IL17F: variants seen among roughly 807,000 people sequenced by gnomAD.
IL17F encodes the protein interleukin-17F.
In IL17F, 6 loss-of-function variants were observed where a neutral mutation model predicts 8.3. The observed-to-expected ratio is 0.73, with a 90% CI of 0.40 to 1.43. The LOEUF (loss-of-function observed/expected upper bound fraction) is 1.43. Ranked by LOEUF, IL17F falls within the 40% of genes most tolerant of loss-of-function variation. The pLI, the probability that IL17F is intolerant of heterozygous loss-of-function variation, is 0.02. For missense variants in IL17F, 204 were observed against 209.6 expected (o/e 0.97, Z 0.17); for synonymous variants, 98 against 81.6 (o/e 1.20, Z -1.08).
At chr6:52,241,477 C>T (rs1043597965) in intron 1 of IL17F, among the ~76,000 whole-genome samples, 2 of 151,586 alleles carry the variant, frequency 1.3e-5, no homozygotes, top group Admixed American at 6.6e-5. Context: ...TAAGTAAATT[C>T]CTCCTTTGTG....
intron 1 of IL17F, chr6:52,239,311 C>T (rs7771466): frequency 2.3e-5 from 6 of 264,192 alleles, no homozygotes; most frequent in African/African-American, 4.4e-5. Flanking sequence ...TATGAGACTA[C>T]TAATGAGATT....
intron 1 of IL17F, among the ~76,000 whole-genome samples, chr6:52,241,401 A>G (rs1200796277): frequency 1.3e-5 from 2 of 151,942 alleles, no homozygotes; most frequent in African/African-American, 4.8e-5. Context: ...TTTTTAAAAG[A>G]TGCCAACTTA....
chr6:52,238,854 G>C lies in IL17F; in HGVS notation c.130C>G (p.Pro44Ala), dbSNP rs1331321771. 4 of 1,613,886 alleles carry C rather than the reference G, an allele frequency of 2.5e-6. No homozygotes were observed. The highest frequency in any genetic ancestry group is 2.7e-5 in the African/African-American group (2 of 74,902). ...PKVGHTFFQK[P>A]ESCPPVPGGS... is the part of the protein sequence containing the mutation. ...CCTGGCACAGGCGGGCAACTCTCAG[G>C]CTTTTGGAAAAAAGTATGTCCTACT... The change falls in exon 2 of 3, where the codon CCT (proline) becomes GCT (alanine). Residue 44 changes from proline to alanine, a missense_variant. Pro to Ala is a conservative substitution (Grantham distance 27). Coordinates refer to ENST00000336123, the MANE Select transcript of IL17F (RefSeq NM_052872.4).
At chr6:52,239,900 G>A (rs1376565164) in intron 1 of IL17F, among the ~76,000 whole-genome samples, 1 of 152,188 alleles carries the variant, frequency 6.6e-6, no homozygotes, top group African/African-American at 2.4e-5. Context: ...CCACAAGAGA[G>A]AATATGGAAA....
chr6:52,239,118 A>G (rs1764023655), intron 1 of IL17F, 168 bp from the exon 2 acceptor site: 1 of 668,870 alleles, frequency 1.5e-6, no homozygotes, highest in Non-Finnish European at 2.7e-6. Context: ...AAAGGTATCA[A>G]GGTGCCAAAC....
At chr6:52,237,556 G>A (rs374959026) in intron 2 of IL17F, among the ~76,000 whole-genome samples, 2 of 152,018 alleles carry the variant, frequency 1.3e-5, no homozygotes, top group African/African-American at 4.8e-5. Context: ...TCACTAGTCA[G>A]TCTTCCATCA....
chr6:52,239,030 G>T, intron 1 of IL17F, 80 bp from the exon 2 acceptor site: 2 of 1,250,792 alleles, frequency 1.6e-6, no homozygotes, highest in Non-Finnish European at 1.2e-6. Flanking sequence ...GCGGAACTCA[G>T]CATTCCTGTC....
intron 1 of IL17F, among the ~76,000 whole-genome samples, chr6:52,240,117 A>G (rs1361242469): frequency 2.0e-5 from 3 of 152,184 alleles, no homozygotes; most frequent in Non-Finnish European, 4.4e-5. Flanking sequence ...AGCAAGGCCC[A>G]TCACCAACTC....
chr6:52,245,262 G>C (rs1764142218), upstream of IL17F, among the ~76,000 whole-genome samples: 1 of 152,162 alleles, frequency 6.6e-6, no homozygotes, highest in Non-Finnish European at 1.5e-5. Flanking sequence ...GCTATCTCCA[G>C]GTAGGTAGAG....
chr6:52,244,482 C>T lies in IL17F; in HGVS notation c.-53G>A. Reference sequence around the variant, plus strand: ...GAAGCTCTTTCTGTGAATGTATCTTCCTGTGTATGCCTGTGTTCTATCAAT... The same window carrying T: ...GAAGCTCTTTCTGTGAATGTATCTTTCTGTGTATGCCTGTGTTCTATCAAT... On this transcript the variant is annotated 5_prime_UTR_variant, in exon 1 of 3. Coordinates refer to ENST00000336123, the MANE Select transcript of IL17F (RefSeq NM_052872.4). 6.6e-7 allele frequency: 1 copy of T among 1,516,052 alleles called. No individual in the cohort carries two copies. The highest frequency in any genetic ancestry group is 9.2e-7 in the Non-Finnish European group (1 of 1,090,756). 93.9% of individuals were successfully genotyped at this position (1,516,052 alleles called of 1,614,324 possible).
chr6:52,244,641 A>T (rs890472492), upstream of IL17F: 11 of 590,542 alleles, frequency 1.9e-5, no homozygotes, highest in Middle Eastern at 4.5e-4. Context: ...CCCGAAGGGG[A>T]ACAAAAGGGG....
intron 1 of IL17F, among the ~76,000 whole-genome samples, chr6:52,243,767 A>T (rs535661989): frequency 6.6e-6 from 1 of 151,290 alleles, no homozygotes; most frequent in Non-Finnish European, 1.5e-5. Flanking sequence ...GAGGAGCTGC[A>T]TTTTTTTTTC....
At chr6:52,242,202 A>G (rs1764086700) in intron 1 of IL17F, among the ~76,000 whole-genome samples, 1 of 152,230 alleles carries the variant, frequency 6.6e-6, no homozygotes, top group Non-Finnish European at 1.5e-5. Flanking sequence ...AATCTGTATA[A>G]TAGGGGACAG....
At position 52,236,945 on chromosome 6, in the gene IL17F, G is replaced by T; in HGVS notation, c.478C>A (p.His160Asn). 3 of 1,613,340 alleles carry T rather than the reference G, an allele frequency of 1.9e-6. No individual in the cohort carries two copies. Among genetic ancestry groups the T allele is most frequent in the Non-Finnish European group, 2.5e-6 (3 of 1,179,266 alleles). ...ATATGCACCTCTTACTGCACATGGT[G>T]GATGACAGGGGTGACGCAGGTGCAG... ...VGCTCVTPVI[H>N]HVQ The change falls in exon 3 of 3, where the codon CAC becomes AAC. Residue 160 changes from histidine (H) to asparagine (N), a missense_variant. His to Asn is a moderately conservative substitution (Grantham distance 68, BLOSUM62 1). Coordinates refer to ENST00000336123, the MANE Select transcript of IL17F (RefSeq NM_052872.4).
chr6:52,239,873 G>A (rs140284183), intron 1 of IL17F, among the ~76,000 whole-genome samples: 413 of 152,236 alleles, frequency 2.7e-3, no homozygotes, highest in Admixed American at 4.7e-3. Flanking sequence ...GAAAGAAACC[G>A]GGGCACTAAT....
In IL17F at chr6:52,238,743, G is replaced by A. The variant is rs530331585; in HGVS notation, c.241C>T (p.Pro81Ser). ...ATTTGCACTTACGTGTAATTCCAGG[G>A]GGAGGTGGAGCGGCTCTCGATGTTA... is the stretch of plus-strand genomic sequence containing the variant. ...SRNIESRSTSPWNYTVTWDPN... is the reference protein window; with the variant it reads ...SRNIESRSTSSWNYTVTWDPN... Residue 81 changes from proline (P) to serine (S), a missense_variant, in exon 2 of 3, where the codon CCC becomes TCC. Coordinates refer to ENST00000336123, the MANE Select transcript of IL17F (RefSeq NM_052872.4). 1 of 1,613,822 alleles carries A rather than the reference G, an allele frequency of 6.2e-7. No individual in the cohort carries two copies. Among genetic ancestry groups the A allele is most frequent in the Non-Finnish European group, 8.5e-7 (1 of 1,179,812 alleles).
chr6:52,237,207 G>A lies in IL17F; in HGVS notation c.255-39C>T. Reference sequence around the variant, plus strand: ...AAGCCAAAGCACAATGGTGAGGCATGGGGGAGGAAGACAGCGAATGAGAGC... The same window carrying A: ...AAGCCAAAGCACAATGGTGAGGCATAGGGGAGGAAGACAGCGAATGAGAGC... On this transcript the variant is annotated intron_variant, in intron 2 of 2. Coordinates refer to ENST00000336123, the MANE Select transcript of IL17F (RefSeq NM_052872.4). 6 of 1,498,762 alleles carry A rather than the reference G, an allele frequency of 4.0e-6. No homozygotes were observed. In the South Asian group the frequency reaches 4.5e-5, roughly 11 times the overall value. 92.8% of individuals were successfully genotyped at this position (1,498,762 alleles called of 1,614,324 possible). A position where few individuals can be genotyped will look rare whatever the true frequency, so the allele number is the denominator to read the frequency against.
At chr6:52,244,566 G>T (rs938336053), upstream of IL17F, 2 of 832,084 alleles carry the variant, frequency 2.4e-6, no homozygotes, top group East Asian at 2.6e-5. Context: ...CCTGCTTACT[G>T]TCTTTAAGTT....
At position 52,238,865 on chromosome 6, in the gene IL17F, A is replaced by G; in HGVS notation, c.119T>C (p.Phe40Ser). The G allele has an allele frequency of 6.2e-7, 1 of 1,614,034 alleles. No individual in the cohort carries two copies. The highest frequency in any genetic ancestry group is 8.5e-7 in the Non-Finnish European group (1 of 1,179,920). ...ARKIPKVGHT[F>S]FQKPESCPPV... Reference sequence around the variant, plus strand: ...CGGGCAACTCTCAGGCTTTTGGAAAAAAGTATGTCCTACTTTGGGGATTTT... The same window carrying G: ...CGGGCAACTCTCAGGCTTTTGGAAAGAAGTATGTCCTACTTTGGGGATTTT... Residue 40 changes from phenylalanine to serine, a missense_variant, in exon 2 of 3, where the codon TTT becomes TCT. Phe to Ser is a radical substitution (Grantham distance 155). Transcript: ENST00000336123.
Sources: gnomAD v4.1 joint callset for allele counts (sites outside exome capture counted in the v4.1 genomes callset) on GRCh38, gnomAD v4.1.1 for gene constraint, MANE v1.5 for transcripts, NCBI Gene and HGNC (gene_info 2026-07-23, HGNC 2026-07-21) for gene names.